Variants in KLC1 observed in about 807,000 individuals in gnomAD.
The protein encoded by KLC1 is kinesin light chain 1, also known as kinesin 2 60/70kDa.
Under a neutral mutation model 84.2 loss-of-function variants are expected in KLC1, and 30 were observed. That is an observed-to-expected ratio of 0.36 (90% confidence interval 0.27 to 0.48). The LOEUF (loss-of-function observed/expected upper bound fraction) is 0.48. Ranked by LOEUF, KLC1 falls within the 20% of genes least tolerant of loss-of-function variation. The pLI is 0.99. For synonymous variants in KLC1, 289 were observed against 293.3 expected (o/e 0.99, Z 0.15); for missense variants, 499 against 805.4 (o/e 0.62, Z 4.60).
intron 9 of KLC1, 56 bp from the exon 10 acceptor site, chr14:103,675,496 A>G: frequency 6.7e-7 from 1 of 1,493,506 alleles, no homozygotes; most frequent in South Asian, 1.2e-5. Context: ...AGCAGTTCAG[A>G]TTTTGGAGTT....
rs1284815701 is a variant in KLC1 at position 103,643,047 on chromosome 14, A to G, written c.-1-11517A>G. The stretch of plus-strand genomic sequence containing the variant: ...TGGCCTCCCAAAGTGTTGGGATTAC[A>G]GGCATGAGCCTCCATGCCCAGCCAA... On this transcript the variant is annotated intron_variant, in intron 1 of 16. Transcript: ENST00000334553. Among the ~76,000 whole-genome samples the G allele has an allele frequency of 6.6e-5, 10 of 152,230 alleles. No homozygotes were observed. In the South Asian group the frequency reaches 2.1e-3, roughly 32 times the overall value.
At chr14:103,699,439 C>A (rs2082915703) in intron 15 of KLC1, 3 of 1,612,880 alleles carry the variant, frequency 1.9e-6, no homozygotes, top group South Asian at 2.2e-5. Flanking sequence ...ACTGCAGATG[C>A]CTGGCCCTGG....
chr14:103,695,282 G>A (rs767355356), intron 15 of KLC1: 73 of 653,958 alleles, frequency 1.1e-4, no homozygotes, highest in East Asian at 2.8e-4. Flanking sequence ...GCAACACAGC[G>A]AGTCCCTGTG....
At position 103,666,204 on chromosome 14, in the gene KLC1, C is replaced by T. The variant is rs920785337; in HGVS notation, c.797+3277C>T. Among the ~76,000 whole-genome samples, 3 of 152,096 alleles carry T rather than the reference C, an allele frequency of 2.0e-5. No individual in the cohort carries two copies. The East Asian group carries it at 5.8e-4, about 29-fold the overall frequency. ...TCAGCCTCCCGAGTAGCTGGGACTA[C>T]AGGCGCCTGCCACCGCGCCCGGCTA... On this transcript the variant is annotated intron_variant, in intron 5 of 16. Coordinates refer to ENST00000334553, the MANE Select transcript of KLC1 (RefSeq NM_001394837.1).
intron 12 of KLC1, among the ~76,000 whole-genome samples, chr14:103,678,352 A>G (rs999560344): frequency 2.0e-5 from 3 of 152,224 alleles, no homozygotes; most frequent in Admixed American, 6.5e-5. Context: ...TGGATTCACC[A>G]AAGTTAAAAG....
At chr14:103,690,696 G>A (rs577261102) in intron 14 of KLC1, among the ~76,000 whole-genome samples, 78 of 152,326 alleles carry the variant, frequency 5.1e-4, no homozygotes, top group African/African-American at 1.8e-3. Flanking sequence ...GGTTGCTTTA[G>A]CTTTAAAACT....
Position 103,694,493 on chromosome 14 carries a change from C to T in KLC1, c.1848+2068C>T. 1.0e-6 allele frequency: 1 copy of T among 985,492 alleles called. No homozygotes were observed. Among genetic ancestry groups the T allele is most frequent in the Non-Finnish European group, 1.2e-6 (1 of 829,962 alleles). The allele number at this position is 985,492 out of a possible 1,614,324, so 61.0% of individuals were successfully genotyped here. ...GCTTAAGCTTTATGGAATGAGGGAG[C>T]ACGGTGGACTCTGACAGGAACCTTT... On this transcript the variant is annotated intron_variant, in intron 15 of 16. Transcript: ENST00000334553. The surrounding 1 kb of genome is among the most constrained non-coding windows in gnomAD (Gnocchi z 4.5).
At chr14:103,657,494 G>C in intron 2 of KLC1, 52 bp from the exon 3 acceptor site, 1 of 1,453,300 alleles carries the variant, frequency 6.9e-7, no homozygotes, top group Non-Finnish European at 9.6e-7. Flanking sequence ...GGGTGGGAGG[G>C]ACTCTTGCTG....
chr14:103,652,158 T>G (rs1295162926), intron 1 of KLC1, among the ~76,000 whole-genome samples: 4 of 152,216 alleles, frequency 2.6e-5, no homozygotes, highest in African/African-American at 9.6e-5. Context: ...AAAACAGGCC[T>G]TAAGTTTTAT....
At chr14:103,649,666 A>G (rs1158514303) in intron 1 of KLC1, among the ~76,000 whole-genome samples, 1 of 151,330 alleles carries the variant, frequency 6.6e-6, no homozygotes, top group African/African-American at 2.4e-5. Context: ...ATAGCCTTAA[A>G]GAGGTTTGAC....
chr14:103,696,180 C>T (rs888470995), intron 15 of KLC1: 36 of 970,816 alleles, frequency 3.7e-5, no homozygotes, highest in Middle Eastern at 5.3e-4. Context: ...GATCTGTGGG[C>T]GGACAGCATA....
intron 14 of KLC1, among the ~76,000 whole-genome samples, chr14:103,691,683 G>T (rs892501907): frequency 1.3e-5 from 2 of 151,900 alleles, no homozygotes; most frequent in South Asian, 4.1e-4. Flanking sequence ...TGCTCAGGCT[G>T]GTCTCAAACT....
At chr14:103,656,966 T>C (rs573170246) in intron 2 of KLC1, among the ~76,000 whole-genome samples, 1 of 152,318 alleles carries the variant, frequency 6.6e-6, no homozygotes, top group African/African-American at 2.4e-5. Context: ...GTGAGCACTC[T>C]GTAGGCAGAG....
rs189026456 is a variant in KLC1 at position 103,648,397 on chromosome 14, A to G, written c.-1-6167A>G. Among the ~76,000 whole-genome samples the G allele has an allele frequency of 2.0e-3, 299 of 152,320 alleles. 1 individual carries two copies. The highest frequency in any genetic ancestry group is 3.3e-3 in the Non-Finnish European group (226 of 68,028). On this transcript the variant is annotated intron_variant, in intron 1 of 16. Coordinates refer to ENST00000334553, the MANE Select transcript of KLC1 (RefSeq NM_001394837.1). ...TACAGGTATTTAATCAGAGGTCCCA[A>G]TGTGGAGCCTGACAGGATAGGTTCT...
In KLC1 at chr14:103,693,816, C is replaced by T; in HGVS notation, c.1848+1391C>T. On this transcript the variant is annotated intron_variant, in intron 15 of 16. Coordinates refer to ENST00000334553, the MANE Select transcript of KLC1 (RefSeq NM_001394837.1). The surrounding 1 kb of genome is among the most constrained non-coding windows in gnomAD (Gnocchi z 5.1). ...AGCATTCTGTTACTCGGCCTGCAGC[C>T]CCAGTGCCAGGAGCCACCCCGACCG... 1 of 1,393,888 alleles carries T rather than the reference C, an allele frequency of 7.2e-7. No homozygotes were observed. The highest frequency in any genetic ancestry group is 9.3e-7 in the Non-Finnish European group (1 of 1,077,422). The allele number at this position is 1,393,888 out of a possible 1,614,324, so 86.3% of individuals were successfully genotyped here.
chr14:103,696,586 T>C, intron 15 of KLC1: 1 of 985,498 alleles, frequency 1.0e-6, no homozygotes, highest in Non-Finnish European at 1.2e-6. Context: ...TGTGGTCAGA[T>C]TTCTGAATGC....
At position 103,679,260 on chromosome 14, in the gene KLC1, A is replaced by G. The variant is rs568596545; in HGVS notation, c.1489-124A>G. On this transcript the variant is annotated intron_variant, in intron 12 of 16. Coordinates refer to ENST00000334553, the MANE Select transcript of KLC1 (RefSeq NM_001394837.1). ...CCCCCTCCAAGGAACCACTCTTCCA[A>G]TGTTTTTCCCTCCAGTGATTAAGAA... 7.5e-4 allele frequency: 979 copies of G among 1,302,630 alleles called. 1 individual carries two copies. Among genetic ancestry groups the G allele is most frequent in the Non-Finnish European group, 8.6e-4 (813 of 946,480 alleles). The allele number at this position is 1,302,630 out of a possible 1,614,324, so 80.7% of individuals were successfully genotyped here. A position where few individuals can be genotyped will look rare whatever the true frequency, so the allele number is the denominator to read the frequency against.
intron 1 of KLC1, among the ~76,000 whole-genome samples, chr14:103,633,978 C>T (rs1030418333): frequency 5.3e-5 from 8 of 152,196 alleles, no homozygotes; most frequent in Non-Finnish European, 7.3e-5. Context: ...AAGCCATTCT[C>T]CTGCCTCAGC....
At position 103,695,848 on chromosome 14, in the gene KLC1, G is replaced by A. The variant is rs1356235791; in HGVS notation, c.1848+3423G>A. 14 of 985,404 alleles carry A rather than the reference G, an allele frequency of 1.4e-5. No homozygotes were observed. In the South Asian group the frequency reaches 2.3e-4, roughly 17 times the overall value. The allele number at this position is 985,404 out of a possible 1,614,324, so 61.0% of individuals were successfully genotyped here. ...GAAGCCAGCTCATAAAGGAAGGTTC[G>A]TGTTTCAGAGGGAGGCGGCAAGGGA... On this transcript the variant is annotated intron_variant, in intron 15 of 16. Coordinates refer to ENST00000334553, the MANE Select transcript of KLC1 (RefSeq NM_001394837.1).
Sources: allele counts gnomAD v4.1 joint callset (sites outside exome capture counted in the v4.1 genomes callset), GRCh38; gene constraint gnomAD v4.1.1; non-coding constraint Gnocchi (gnomAD v3.1); transcripts MANE v1.5; gene names NCBI Gene and HGNC (gene_info 2026-07-23, HGNC 2026-07-21).